RBFOX1: variants seen among roughly 807,000 people sequenced by gnomAD.
RBFOX1 encodes RNA binding fox-1 homolog 1.
RBFOX1 carries 8 observed loss-of-function variants against 57.7 expected under a neutral mutation model. The observed-to-expected ratio is 0.14, with a 90% confidence interval of 0.08 to 0.25. The LOEUF is 0.25. Ranked by LOEUF, RBFOX1 falls within the 10% of genes least tolerant of loss-of-function variation. The pLI is 1.00. For synonymous variants in RBFOX1, 326 were observed against 222.4 expected (o/e 1.47, Z -4.15); for missense variants, 611 against 548.5 (o/e 1.11, Z -1.14).
intron 3 of RBFOX1, among the ~76,000 whole-genome samples, chr16:5,846,616 C>T (rs566086881): frequency 6.6e-6 from 1 of 152,300 alleles, no homozygotes; most frequent in South Asian, 2.1e-4. Flanking sequence ...CCAACCCTGT[C>T]CCAAGGAACA....
At chr16:7,086,303 G>A in intron 4 of RBFOX1, among the ~76,000 whole-genome samples, 1 of 152,190 alleles carries the variant, frequency 6.6e-6, no homozygotes, top group East Asian at 1.9e-4. Flanking sequence ...TGTGTGCCAT[G>A]TAAAAATATC....
chr16:6,052,555 C>T (rs1024019933), intron 1 of RBFOX1, among the ~76,000 whole-genome samples: 33 of 151,832 alleles, frequency 2.2e-4, no homozygotes, highest in Non-Finnish European at 3.5e-4. Context: ...GAGGCCGAGG[C>T]GGGCGGATCA....
intron 3 of RBFOX1, among the ~76,000 whole-genome samples, chr16:6,947,533 A>T (rs2079804939): frequency 6.6e-6 from 1 of 152,126 alleles, no homozygotes; most frequent in Non-Finnish European, 1.5e-5. Flanking sequence ...GATGAGAGAA[A>T]TCCTCCTGAA....
At chr16:6,335,117 G>T (rs2083470650) in intron 2 of RBFOX1, among the ~76,000 whole-genome samples, 1 of 152,214 alleles carries the variant, frequency 6.6e-6, no homozygotes, top group African/African-American at 2.4e-5. Context: ...AGGGAATACT[G>T]CTTGCTTAGC....
At chr16:6,734,808 C>T (rs1056412751) in intron 3 of RBFOX1, among the ~76,000 whole-genome samples, 2 of 152,060 alleles carry the variant, frequency 1.3e-5, no homozygotes, top group African/African-American at 4.8e-5. Context: ...ATATTTTTTA[C>T]GAAATCTAGA....
At chr16:7,360,064 A>G (rs944268346) in intron 4 of RBFOX1, among the ~76,000 whole-genome samples, 2 of 152,330 alleles carry the variant, frequency 1.3e-5, no homozygotes, top group Non-Finnish European at 2.9e-5. Context: ...GTCTTTCTAT[A>G]GTTGAAACAA....
chr16:7,155,528 G>T (rs2076901385), intron 4 of RBFOX1, among the ~76,000 whole-genome samples: 2 of 150,636 alleles, frequency 1.3e-5, no homozygotes. Flanking sequence ...CTCGGGAGTT[G>T]TAGGTTGCCA....
intron 1 of RBFOX1, among the ~76,000 whole-genome samples, chr16:6,115,192 C>T (rs1359155224): frequency 2.6e-5 from 4 of 152,128 alleles, no homozygotes; most frequent in African/African-American, 7.2e-5. Context: ...TTTACTTCAT[C>T]CTGTCAGGAC....
intron 2 of RBFOX1, among the ~76,000 whole-genome samples, chr16:6,401,855 A>G (rs2093082289): frequency 1.3e-5 from 2 of 151,976 alleles, no homozygotes; most frequent in Non-Finnish European, 2.9e-5. Context: ...ATATGTATCT[A>G]GTAAATCCAT....
chr16:7,521,097 C>T (rs944901450), intron 5 of RBFOX1, among the ~76,000 whole-genome samples: 1 of 19,584 alleles, frequency 5.1e-5, no homozygotes, highest in Non-Finnish European at 5.3e-4. Context: ...TACCTGCAAA[C>T]GTGTAGTCTG....
chr16:5,305,384 G>T (rs2063907925), intron 1 of RBFOX1, among the ~76,000 whole-genome samples: 1 of 152,064 alleles, frequency 6.6e-6, no homozygotes, highest in African/African-American at 2.4e-5. Context: ...TCTGCTGGGG[G>T]TCACTTACAT....
At chr16:7,706,760 G>A (rs2082583892) in intron 14 of RBFOX1, among the ~76,000 whole-genome samples, 1 of 151,972 alleles carries the variant, frequency 6.6e-6, no homozygotes, top group Admixed American at 6.6e-5. Flanking sequence ...TTTTTCTCTG[G>A]ACCAATCAAT....
At chr16:6,177,474 G>A (rs1232239875) in intron 1 of RBFOX1, among the ~76,000 whole-genome samples, 3 of 152,054 alleles carry the variant, frequency 2.0e-5, no homozygotes, top group African/African-American at 7.2e-5. Context: ...TGAATGGAAA[G>A]GCTTAATAAT....
chr16:6,729,822 G>C (rs2068089592), intron 3 of RBFOX1, among the ~76,000 whole-genome samples: 1 of 152,058 alleles, frequency 6.6e-6, no homozygotes, highest in African/African-American at 2.4e-5. Flanking sequence ...TATTTCTCCT[G>C]GTAAATGCTG....
intron 2 of RBFOX1, among the ~76,000 whole-genome samples, chr16:6,622,345 G>C (rs74757265): frequency 6.6e-6 from 1 of 151,976 alleles, no homozygotes; most frequent in Non-Finnish European, 1.5e-5. Context: ...TATTTTTATC[G>C]TACCTTTTCT....
At chr16:6,048,695 G>C (rs763533702) in intron 1 of RBFOX1, among the ~76,000 whole-genome samples, 1 of 151,962 alleles carries the variant, frequency 6.6e-6, no homozygotes, top group South Asian at 2.1e-4. Flanking sequence ...CATTATATAC[G>C]AGTGACCTTT....
chr16:7,705,387 C>G (rs903236742), intron 14 of RBFOX1, among the ~76,000 whole-genome samples: 2 of 152,022 alleles, frequency 1.3e-5, no homozygotes, highest in Admixed American at 6.5e-5. Context: ...TACCTGTAGT[C>G]CCAGCTATTC....
At chr16:6,833,206 C>T (rs573791492) in intron 3 of RBFOX1, among the ~76,000 whole-genome samples, 41 of 151,588 alleles carry the variant, frequency 2.7e-4, no homozygotes, top group African/African-American at 9.4e-4. Flanking sequence ...TTTTCTGTCA[C>T]CCAGGGTGGA....
chr16:6,005,892 G>A (rs891944139), intron 4 of RBFOX1, among the ~76,000 whole-genome samples: 2 of 152,158 alleles, frequency 1.3e-5, no homozygotes, highest in Admixed American at 6.5e-5. Context: ...CAGGCAAATG[G>A]GTGCAGTGGG....
Sources: allele counts gnomAD v4.1 joint callset (sites outside exome capture counted in the v4.1 genomes callset), GRCh38; gene constraint gnomAD v4.1.1; transcripts MANE v1.5; gene names NCBI Gene and HGNC (gene_info 2026-07-23, HGNC 2026-07-21).